COX7B2: variants seen among roughly 807,000 people sequenced by gnomAD.
COX7B2 encodes the protein cytochrome c oxidase subunit 7B2.
For synonymous variants in COX7B2, 37 were observed against 32.1 expected (o/e 1.15, Z -0.51); for missense variants, 109 against 95.9 (o/e 1.14, Z -0.57).
At chr4:46,770,191 T>C (rs895039288) in intron 2 of COX7B2, among the ~76,000 whole-genome samples, 4 of 152,144 alleles carry the variant, frequency 2.6e-5, no homozygotes, top group Non-Finnish European at 5.9e-5. Flanking sequence ...TGTGTTTCTA[T>C]ACACTAACAA....
intron 2 of COX7B2, among the ~76,000 whole-genome samples, chr4:46,762,188 T>C (rs892597684): frequency 3.5e-5 from 5 of 144,842 alleles, no homozygotes; most frequent in African/African-American, 1.0e-4. Flanking sequence ...AAAACATATA[T>C]TGTGTATAAT....
At chr4:46,745,978 G>T (rs1038607288) in intron 2 of COX7B2, among the ~76,000 whole-genome samples, 1 of 152,036 alleles carries the variant, frequency 6.6e-6, no homozygotes, top group Non-Finnish European at 1.5e-5. Flanking sequence ...CTGAATATTT[G>T]TTAATTAGAA....
At chr4:46,753,938 T>C (rs1715579966) in intron 2 of COX7B2, among the ~76,000 whole-genome samples, 1 of 152,164 alleles carries the variant, frequency 6.6e-6, no homozygotes, top group African/African-American at 2.4e-5. Context: ...AAGACATTTA[T>C]GCAGCCAACA....
Position 46,811,598 on chromosome 4 carries a change from T to A in COX7B2, c.-50+33362A>T, listed in dbSNP as rs890549165. Among the ~76,000 whole-genome samples, 4 of 152,178 alleles carry A rather than the reference T, an allele frequency of 2.6e-5. No individual in the cohort carries two copies. The East Asian group carries it at 7.7e-4, about 29-fold the overall frequency. ...TGTATCTCACTAAATTTCCTTAAGA[T>A]CATTATTTTGATTTCCTTTTTAGGC... On this transcript the variant is annotated intron_variant, in intron 2 of 2. Transcript: ENST00000355591.
chr4:46,749,081 G>T (rs1314154894), intron 2 of COX7B2, among the ~76,000 whole-genome samples: 2 of 152,024 alleles, frequency 1.3e-5, no homozygotes, highest in Non-Finnish European at 2.9e-5. Flanking sequence ...CCTTATCAAT[G>T]TTTCATCCTT....
chr4:46,869,970 T>C (rs528010289), intron 1 of COX7B2, among the ~76,000 whole-genome samples: 1 of 152,308 alleles, frequency 6.6e-6, no homozygotes, highest in South Asian at 2.1e-4. Flanking sequence ...AAATATGTTT[T>C]CCAGGTTGTT....
At chr4:46,755,225 T>C (rs1361111157) in intron 2 of COX7B2, among the ~76,000 whole-genome samples, 1 of 152,008 alleles carries the variant, frequency 6.6e-6, no homozygotes, top group Non-Finnish European at 1.5e-5. Context: ...AAGTCTTTGA[T>C]GAAATTCAGC....
chr4:46,743,443 T>TA (rs897086054), intron 2 of COX7B2, among the ~76,000 whole-genome samples: 1 of 152,162 alleles, frequency 6.6e-6, no homozygotes, highest in African/African-American at 2.4e-5. Context: ...TTCATTAACT[T>TA]AAAAAAAGTA....
intron 2 of COX7B2, among the ~76,000 whole-genome samples, chr4:46,842,557 C>T (rs559846667): frequency 6.6e-6 from 1 of 151,894 alleles, no homozygotes; most frequent in Non-Finnish European, 1.5e-5. Flanking sequence ...CCCACTCCCC[C>T]CACCCCACAA....
At position 46,759,804 on chromosome 4, in the gene COX7B2, A is replaced by ATCT. The variant is rs201447475; in HGVS notation, c.-49-24566_-49-24564dup. On this transcript the variant is annotated intron_variant, in intron 2 of 2. Coordinates refer to ENST00000355591, the MANE Select transcript of COX7B2 (RefSeq NM_130902.3). ...ATCTTATATAAGTTATATAAGTCAT[A>ATCT]TCTTATATAAGTTATATAAGTCATA... is the stretch of plus-strand genomic sequence containing the variant. 5.4e-4 allele frequency among the ~76,000 whole-genome samples: 37 copies of ATCT among 69,148 alleles called. 3 individuals are homozygous for ATCT. In the South Asian group the frequency reaches 0.014, roughly 27 times the overall value. The allele number at this position is 69,148 out of a possible 152,430, so 45.4% of individuals were successfully genotyped here.
chr4:46,828,671 A>G (rs1714853968), intron 2 of COX7B2, among the ~76,000 whole-genome samples: 1 of 152,196 alleles, frequency 6.6e-6, no homozygotes, highest in African/African-American at 2.4e-5. Flanking sequence ...TCAGTAAATC[A>G]TAAGAAAATT....
intron 2 of COX7B2, among the ~76,000 whole-genome samples, chr4:46,781,401 T>C (rs1358697653): frequency 1.3e-5 from 2 of 152,188 alleles, no homozygotes; most frequent in East Asian, 1.9e-4. Flanking sequence ...TAGAATTGAG[T>C]CATCTGATAC....
intron 1 of COX7B2, among the ~76,000 whole-genome samples, chr4:46,871,892 C>G (rs148931697): frequency 1.5e-4 from 23 of 152,246 alleles, no homozygotes; most frequent in African/African-American, 4.6e-4. Flanking sequence ...ATTATTCCAA[C>G]TATTGTAGAA....
At chr4:46,852,755 C>A (rs990627471) in intron 1 of COX7B2, among the ~76,000 whole-genome samples, 7 of 152,134 alleles carry the variant, frequency 4.6e-5, no homozygotes, top group Non-Finnish European at 7.4e-5. Context: ...TATCACAGCT[C>A]AAGGTGAACA....
chr4:46,853,184 T>C (rs555358145), intron 1 of COX7B2, among the ~76,000 whole-genome samples: 2 of 152,278 alleles, frequency 1.3e-5, no homozygotes, highest in Admixed American at 6.5e-5. Context: ...CTGTATTTGC[T>C]AGCTCAGTGA....
In COX7B2 at chr4:46,762,694, C is replaced by T. The variant is rs56827301; in HGVS notation, c.-49-27453G>A. Among the ~76,000 whole-genome samples, 152 of 148,088 alleles carry T rather than the reference C, an allele frequency of 1.0e-3. 1 individual carries two copies. The East Asian group carries it at 0.028, about 27-fold the overall frequency. ...TTATTATTTTCTTCTCTCTGCTTGG[C>T]GTATTCCATTGTCACCTGGTACTAC... On this transcript the variant is annotated intron_variant, in intron 2 of 2. Coordinates refer to ENST00000355591, the MANE Select transcript of COX7B2 (RefSeq NM_130902.3).
intron 2 of COX7B2, among the ~76,000 whole-genome samples, chr4:46,814,824 A>C (rs1577598871): frequency 6.6e-6 from 1 of 152,210 alleles, no homozygotes. Context: ...TGATTAAAAA[A>C]TTATAACAAT....
At chr4:46,769,490 G>A (rs1198027874) in intron 2 of COX7B2, among the ~76,000 whole-genome samples, 2 of 152,130 alleles carry the variant, frequency 1.3e-5, no homozygotes, top group African/African-American at 4.8e-5. Flanking sequence ...ACAGGCAGGT[G>A]GATCACTTGA....
intron 2 of COX7B2, among the ~76,000 whole-genome samples, chr4:46,765,311 T>C (rs754331806): frequency 7.2e-6 from 1 of 138,208 alleles, no homozygotes; most frequent in African/African-American, 2.6e-5. Flanking sequence ...TGGAGAGAGA[T>C]AGCCATTGCA....
Sources: gnomAD v4.1 joint callset for allele counts (sites outside exome capture counted in the v4.1 genomes callset) on GRCh38, gnomAD v4.1.1 for gene constraint, MANE v1.5 for transcripts, NCBI Gene and HGNC (gene_info 2026-07-23, HGNC 2026-07-21) for gene names.